Variants in PCDH9 observed in about 807,000 individuals in gnomAD.
PCDH9 encodes the protein protocadherin-9.
In PCDH9, 24 loss-of-function variants were observed where a neutral mutation model predicts 70.6. That is an observed-to-expected ratio of 0.34 (90% CI 0.25 to 0.48). PCDH9 has a LOEUF of 0.48. PCDH9 is among the 20% of genes least tolerant of loss of function. The pLI is 0.99. For synonymous variants in PCDH9, 562 were observed against 558.5 expected (o/e 1.01, Z -0.09); for missense variants, 1,281 against 1,503.6 (o/e 0.85, Z 2.45).
intron 2 of PCDH9, among the ~76,000 whole-genome samples, chr13:67,037,917 C>A (rs1210564201): frequency 1.3e-5 from 2 of 152,098 alleles, no homozygotes; most frequent in Middle Eastern, 3.4e-3. Context: ...TCTATAAGAA[C>A]CTGGATTAAT....
intron 2 of PCDH9, among the ~76,000 whole-genome samples, chr13:67,022,401 AT>A (rs1156810271): frequency 6.6e-6 from 1 of 152,094 alleles, no homozygotes; most frequent in Non-Finnish European, 1.5e-5. Context: ...GATTACAGGC[AT>A]GAGCCACTGC....
chr13:67,199,636 A>T (rs1393324310), intron 2 of PCDH9, among the ~76,000 whole-genome samples: 1 of 152,172 alleles, frequency 6.6e-6, no homozygotes, highest in Non-Finnish European at 1.5e-5. Context: ...GAACTGCTGG[A>T]AACCATTAAA....
At chr13:67,181,538 T>C (rs1377937989) in intron 2 of PCDH9, among the ~76,000 whole-genome samples, 1 of 152,148 alleles carries the variant, frequency 6.6e-6, no homozygotes, top group Non-Finnish European at 1.5e-5. Context: ...CTTGCTAATA[T>C]GGTATGACAT....
At chr13:67,142,936 G>A (rs2087431615) in intron 2 of PCDH9, among the ~76,000 whole-genome samples, 1 of 152,040 alleles carries the variant, frequency 6.6e-6, no homozygotes, top group South Asian at 2.1e-4. Flanking sequence ...TTGAACCCCG[G>A]AGGCGGAGGT....
At chr13:66,550,677 G>T (rs1449948838) in intron 4 of PCDH9, among the ~76,000 whole-genome samples, 2 of 152,120 alleles carry the variant, frequency 1.3e-5, no homozygotes, top group African/African-American at 4.8e-5. Context: ...TTACATGAGA[G>T]AAAAATAAAC....
chr13:66,769,224 A>T (rs541256598), intron 3 of PCDH9, among the ~76,000 whole-genome samples: 1 of 152,174 alleles, frequency 6.6e-6, no homozygotes, highest in Non-Finnish European at 1.5e-5. Flanking sequence ...ATATGAAAAA[A>T]AAATGTTCTT....
At chr13:66,555,094 G>C (rs984123494) in intron 4 of PCDH9, among the ~76,000 whole-genome samples, 7 of 151,962 alleles carry the variant, frequency 4.6e-5, no homozygotes, top group African/African-American at 1.7e-4. Flanking sequence ...GCTTGAACCC[G>C]GGAGGCGGAG....
chr13:67,122,772 C>CAATAATAATAAT (rs56039213), intron 2 of PCDH9, among the ~76,000 whole-genome samples: 39 of 143,188 alleles, frequency 2.7e-4, no homozygotes, highest in African/African-American at 4.9e-4. Context: ...GACTCTGTCT[C>CAATAATAATAAT]AATAATAATA....
intron 4 of PCDH9, among the ~76,000 whole-genome samples, chr13:66,404,176 C>T (rs1276022267): frequency 6.6e-6 from 1 of 152,072 alleles, no homozygotes; most frequent in Non-Finnish European, 1.5e-5. Context: ...AGAAAGTAGA[C>T]ATAAATAGAG....
intron 4 of PCDH9, among the ~76,000 whole-genome samples, chr13:66,455,062 A>C (rs1313832994): frequency 6.6e-6 from 1 of 152,166 alleles, no homozygotes; most frequent in Non-Finnish European, 1.5e-5. Context: ...TTCCTTTCAT[A>C]TAATTCTGTC....
intron 2 of PCDH9, among the ~76,000 whole-genome samples, chr13:67,087,767 G>A (rs2086137927): frequency 6.6e-6 from 1 of 152,032 alleles, no homozygotes; most frequent in African/African-American, 2.4e-5. Context: ...CAAGAGAACT[G>A]GGAATATGTG....
chr13:67,071,888 C>CAAAAAAAAAAAAA lies in PCDH9; in HGVS notation c.3036+153504_3036+153516dup, dbSNP rs5804309. Among the ~76,000 whole-genome samples, 784 of 86,552 alleles carry CAAAAAAAAAAAAA rather than the reference C, an allele frequency of 9.1e-3. 2 individuals are homozygous for CAAAAAAAAAAAAA. Among genetic ancestry groups the CAAAAAAAAAAAAA allele is most frequent in the Non-Finnish European group, 0.012 (497 of 43,170 alleles). 56.8% of individuals were successfully genotyped at this position (86,552 alleles called of 152,430 possible). A position where few individuals can be genotyped will look rare whatever the true frequency, so the allele number is the denominator to read the frequency against. ...TGGGCAACAGAGGGAGACTTTGTCT[C>CAAAAAAAAAAAAA]AAAAAAAAAAAAAAAAAAAAGAGAG... On this transcript the variant is annotated intron_variant, in intron 2 of 4. Coordinates refer to ENST00000377865, the MANE Select transcript of PCDH9 (RefSeq NM_203487.3).
chr13:66,923,866 A>C (rs888266611), intron 2 of PCDH9, among the ~76,000 whole-genome samples: 7 of 151,824 alleles, frequency 4.6e-5, no homozygotes, highest in Non-Finnish European at 1.0e-4. Context: ...TACTAACTAT[A>C]AACTATTTTA....
At chr13:67,130,564 C>A (rs924741951) in intron 2 of PCDH9, among the ~76,000 whole-genome samples, 2 of 152,028 alleles carry the variant, frequency 1.3e-5, no homozygotes, top group Non-Finnish European at 2.9e-5. Flanking sequence ...AACCACCTGA[C>A]CACAGGGTGG....
chr13:66,744,575 G>A (rs2079328713), intron 3 of PCDH9, among the ~76,000 whole-genome samples: 1 of 152,076 alleles, frequency 6.6e-6, no homozygotes, highest in Non-Finnish European at 1.5e-5. Flanking sequence ...TTAATTACTA[G>A]AAAGTTGTAT....
intron 4 of PCDH9, among the ~76,000 whole-genome samples, chr13:66,627,747 G>A (rs2077517490): frequency 6.6e-6 from 1 of 152,178 alleles, no homozygotes; most frequent in African/African-American, 2.4e-5. Flanking sequence ...GCTGCCCAAG[G>A]TTGTGCTGTC....
In PCDH9 at chr13:67,163,723, A is replaced by G. The variant is rs566788507; in HGVS notation, c.3036+61682T>C. Among the ~76,000 whole-genome samples the G allele has an allele frequency of 9.2e-5, 14 of 152,358 alleles. 1 individual carries two copies. Among genetic ancestry groups the G allele is most frequent in the South Asian group, 4.1e-4 (2 of 4,830 alleles). ...ATAATGTTTGCAGAGATATGCGATC[A>G]CTTGTAACTTATATTGAGGCTTCCA... On this transcript the variant is annotated intron_variant, in intron 2 of 4. Transcript: ENST00000377865.
At chr13:66,320,556 T>C (rs1342597213) in intron 4 of PCDH9, among the ~76,000 whole-genome samples, 1 of 151,976 alleles carries the variant, frequency 6.6e-6, no homozygotes, top group Non-Finnish European at 1.5e-5. Context: ...TCACTAAGAG[T>C]ATTTTTTATC....
intron 3 of PCDH9, among the ~76,000 whole-genome samples, chr13:66,882,841 A>T (rs1010963315): frequency 1.3e-5 from 2 of 152,144 alleles, no homozygotes; most frequent in Non-Finnish European, 2.9e-5. Context: ...TCAGTGCATA[A>T]GGTCTATCAG....
Sources: allele counts gnomAD v4.1 joint callset (sites outside exome capture counted in the v4.1 genomes callset), GRCh38; gene constraint gnomAD v4.1.1; transcripts MANE v1.5; gene names NCBI Gene and HGNC (gene_info 2026-07-23, HGNC 2026-07-21).